The following SGIP1 variants were observed in gnomAD, a reference collection of about 807,000 sequenced individuals.
The protein encoded by SGIP1 is SH3GL interacting endocytic adaptor 1, also known as SH3-containing GRB2-like protein 3-interacting protein 1.
Under a neutral mutation model 107.5 loss-of-function variants are expected in SGIP1, and 38 were observed. The observed-to-expected ratio is 0.35, with a 90% CI of 0.27 to 0.46. The LOEUF is 0.46. Ranked by LOEUF, SGIP1 falls within the 20% of genes least tolerant of loss-of-function variation. SGIP1 has a pLI of 1.00. For missense variants in SGIP1, 929 were observed against 1,019.5 expected (o/e 0.91, Z 1.21); for synonymous variants, 365 against 366.1 (o/e 1.00, Z 0.03).
intron 18 of SGIP1, among the ~76,000 whole-genome samples, chr1:66,707,094 G>GCATGGGCACACATACA (rs1266701846): frequency 6.6e-6 from 1 of 151,942 alleles, no homozygotes; most frequent in Non-Finnish European, 1.5e-5. Flanking sequence ...ACACACACAC[G>GCATGGGCACACATACA]CATGGGCACA....
chr1:66,618,557 C>T (rs2070055838), intron 1 of SGIP1, among the ~76,000 whole-genome samples: 1 of 152,238 alleles, frequency 6.6e-6, no homozygotes, highest in African/African-American at 2.4e-5. Flanking sequence ...CCTAGCTCAA[C>T]ATCTTGGTCT....
intron 7 of SGIP1, among the ~76,000 whole-genome samples, chr1:66,651,177 A>T (rs1165798870): frequency 1.3e-5 from 2 of 152,328 alleles, no homozygotes; most frequent in African/African-American, 4.8e-5. Flanking sequence ...TATCAAAGTC[A>T]TCCTTTAAGC....
In SGIP1 at chr1:66,633,114, T is replaced by A; in HGVS notation, c.99+20T>A. The A allele has an allele frequency of 6.6e-7, 1 of 1,507,390 alleles. No individual in the cohort carries two copies. Among genetic ancestry groups the A allele is most frequent in the South Asian group, 1.1e-5 (1 of 87,778 alleles). 93.4% of individuals were successfully genotyped at this position (1,507,390 alleles called of 1,614,324 possible). On this transcript the variant is annotated intron_variant, in intron 3 of 24. Transcript: ENST00000371037. ...GGAATTGTAAGTATTTAAATAACCA[T>A]TTTTACTGAGTTTGTGCTTCAATAT...
intron 1 of SGIP1, among the ~76,000 whole-genome samples, chr1:66,602,376 A>T (rs967490449): frequency 6.6e-6 from 1 of 152,128 alleles, no homozygotes; most frequent in African/African-American, 2.4e-5. Context: ...AAGAATTATG[A>T]TGGAAATATG....
rs558261094 is a variant in SGIP1, at chr1:66,702,862, G to A, written c.1630+7369G>A. On this transcript the variant is annotated intron_variant, in intron 18 of 24. Transcript: ENST00000371037. Reference sequence around the variant, plus strand: ...AGATTGAAGCCTTTCACTCCCCAGAGAGGAATGGAACCCTGAGTGTCAGCT... The same window carrying A: ...AGATTGAAGCCTTTCACTCCCCAGAAAGGAATGGAACCCTGAGTGTCAGCT... Among the ~76,000 whole-genome samples, 5 of 152,292 alleles carry A rather than the reference G, an allele frequency of 3.3e-5. No homozygotes were observed. The East Asian group carries it at 9.6e-4, about 29-fold the overall frequency.
intron 1 of SGIP1, among the ~76,000 whole-genome samples, chr1:66,559,348 A>C (rs188940701): frequency 8.5e-4 from 129 of 152,154 alleles, no homozygotes; most frequent in Non-Finnish European, 1.6e-3. Flanking sequence ...TGACTTATGG[A>C]GCTACTACTT....
In SGIP1 at chr1:66,549,617, G is replaced by A. The variant is rs1469705178; in HGVS notation, c.10+15249G>A. On this transcript the variant is annotated intron_variant, in intron 1 of 24. Transcript: ENST00000371037. ...ATCCTTATTATTACCACTGCCATTG[G>A]CATTGTTAATATTATCAGCACCCCC... Among the ~76,000 whole-genome samples the A allele has an allele frequency of 2.0e-5, 3 of 152,016 alleles. No homozygotes were observed. In the East Asian group the frequency reaches 5.8e-4, roughly 29 times the overall value.
chr1:66,637,655 C>A (rs2149443143), intron 4 of SGIP1, among the ~76,000 whole-genome samples: 1 of 151,692 alleles, frequency 6.6e-6, no homozygotes, highest in African/African-American at 2.4e-5. Context: ...TTCACTCTGC[C>A]TAGATCGTCA....
At chr1:66,590,716 C>G (rs1212411009) in intron 1 of SGIP1, 1 of 152,210 alleles carries the variant, frequency 6.6e-6, no homozygotes, top group African/African-American at 2.4e-5. Context: ...GTGCATATTA[C>G]TAAGTGAAAG....
At chr1:66,653,612 A>G (rs191011157) in intron 7 of SGIP1, among the ~76,000 whole-genome samples, 386 of 152,314 alleles carry the variant, frequency 2.5e-3, no homozygotes, top group Admixed American at 4.2e-3. Context: ...CATGATCACC[A>G]TGGTTGGAGA....
chr1:66,621,710 T>A (rs1246666165), intron 1 of SGIP1, among the ~76,000 whole-genome samples: 1 of 152,226 alleles, frequency 6.6e-6, no homozygotes, highest in East Asian at 1.9e-4. Context: ...CGTGGCTCTT[T>A]GCGTTTGGCT....
intron 2 of SGIP1, among the ~76,000 whole-genome samples, chr1:66,630,610 C>T (rs1337025538): frequency 6.6e-6 from 1 of 151,360 alleles, no homozygotes; most frequent in East Asian, 1.9e-4. Flanking sequence ...AGTTTGAGAC[C>T]AGCCTGGCCA....
chr1:66,699,620 CT>C (rs2091567435), intron 18 of SGIP1, among the ~76,000 whole-genome samples: 1 of 152,164 alleles, frequency 6.6e-6, no homozygotes, highest in South Asian at 2.1e-4. Flanking sequence ...ATTTGTCACC[CT>C]TTTTGTACAC....
At chr1:66,674,342 T>C (rs2084654290) in intron 12 of SGIP1, among the ~76,000 whole-genome samples, 1 of 152,188 alleles carries the variant, frequency 6.6e-6, no homozygotes, top group African/African-American at 2.4e-5. Context: ...AAATCAGCTC[T>C]CTATAAAATG....
chr1:66,547,986 G>A (rs1229412021), intron 1 of SGIP1, among the ~76,000 whole-genome samples: 1 of 152,090 alleles, frequency 6.6e-6, no homozygotes, highest in Non-Finnish European at 1.5e-5. Context: ...GGACAAGAGG[G>A]AAGCCAGCAT....
intron 19 of SGIP1, among the ~76,000 whole-genome samples, chr1:66,723,598 A>G (rs1179216048): frequency 3.9e-5 from 6 of 152,160 alleles, no homozygotes; most frequent in Non-Finnish European, 8.8e-5. Context: ...TCACATTTTA[A>G]TTATTTATTC....
chr1:66,590,143 A>G (rs1327019048), intron 1 of SGIP1, among the ~76,000 whole-genome samples: 1 of 152,252 alleles, frequency 6.6e-6, no homozygotes, highest in Non-Finnish European at 1.5e-5. Context: ...AAGAGAGGCT[A>G]GCAAATTTCA....
At chr1:66,660,590 C>T (rs1219610220) in intron 8 of SGIP1, 66 bp downstream of exon 8, 40 of 1,384,930 alleles carry the variant, frequency 2.9e-5, no homozygotes, top group Non-Finnish European at 3.9e-5. Flanking sequence ...TCATTATCTG[C>T]ATATCTAATG....
intron 1 of SGIP1, among the ~76,000 whole-genome samples, chr1:66,610,919 TG>T (rs1264454494): frequency 2.6e-5 from 4 of 151,922 alleles, no homozygotes; most frequent in African/African-American, 9.7e-5. Flanking sequence ...CACTCATAAG[TG>T]GGAGCTAAGC....
Sources: allele counts gnomAD v4.1 joint callset (sites outside exome capture counted in the v4.1 genomes callset), GRCh38; gene constraint gnomAD v4.1.1; transcripts MANE v1.5; gene names NCBI Gene and HGNC (gene_info 2026-07-23, HGNC 2026-07-21).